The following SNAP29 variants were observed in gnomAD, a reference collection of about 807,000 sequenced individuals.
SNAP29 encodes the protein synaptosome associated protein 29.
A neutral mutation model predicts 27.9 loss-of-function variants in SNAP29; 13 were observed. The ratio of observed to expected loss-of-function variants is 0.47; its 90% CI spans 0.30 to 0.74. The LOEUF (loss-of-function observed/expected upper bound fraction) is 0.74. Ranked by LOEUF, SNAP29 falls within the 30% of genes least tolerant of loss-of-function variation. The pLI is 0.06. For missense variants in SNAP29, 368 were observed against 336.5 expected (o/e 1.09, Z -0.73); for synonymous variants, 119 against 127.1 (o/e 0.94, Z 0.43).
At chr22:20,865,425 T>C (rs761392477) in intron 1 of SNAP29, among the ~76,000 whole-genome samples, 36 of 152,092 alleles carry the variant, frequency 2.4e-4, no homozygotes, top group Non-Finnish European at 4.9e-4. Context: ...CAGGATGCCT[T>C]CTGAGGATGG....
At position 20,869,336 on chromosome 22, in the gene SNAP29, G is replaced by T. The variant is rs187661816; in HGVS notation, c.238-1001G>T. On this transcript the variant is annotated intron_variant, in intron 1 of 4. Transcript: ENST00000215730. ...TCCTTTAGGGAAGATGTCTGGGAAG[G>T]CCTCTCTGAGAGAGTGGCCTTTGAA... Among the ~76,000 whole-genome samples the T allele has an allele frequency of 7.9e-5, 12 of 152,288 alleles. No homozygotes were observed. The East Asian group carries it at 1.9e-3, about 24-fold the overall frequency.
intron 2 of SNAP29, among the ~76,000 whole-genome samples, chr22:20,879,603 T>C (rs1270045854): frequency 6.6e-6 from 1 of 151,820 alleles, no homozygotes; most frequent in Non-Finnish European, 1.5e-5. Flanking sequence ...CCCAGAACTT[T>C]GGGAGGCTAA....
chr22:20,861,272 A>G (rs1928312624), intron 1 of SNAP29, among the ~76,000 whole-genome samples: 1 of 151,574 alleles, frequency 6.6e-6, no homozygotes, highest in African/African-American at 2.4e-5. Context: ...GTGCACTACC[A>G]CACCCAGCTA....
chr22:20,861,170 T>C (rs1303420955), intron 1 of SNAP29, among the ~76,000 whole-genome samples: 4 of 135,526 alleles, frequency 3.0e-5, no homozygotes, highest in African/African-American at 1.2e-4. Context: ...CAGACTGGAG[T>C]GCAGTGGCAC....
chr22:20,886,615 T>G (rs1436894834), intron 4 of SNAP29, among the ~76,000 whole-genome samples: 1 of 143,400 alleles, frequency 7.0e-6, no homozygotes, highest in Non-Finnish European at 1.5e-5. Flanking sequence ...AGCCTATCTT[T>G]TTATTTCATT....
In SNAP29 at chr22:20,887,860, T is replaced by G; in HGVS notation, c.*24T>G. 1 of 1,610,176 alleles carries G rather than the reference T, an allele frequency of 6.2e-7. No homozygotes were observed. Among genetic ancestry groups the G allele is most frequent in the Non-Finnish European group, 8.5e-7 (1 of 1,176,624 alleles). Reference sequence around the variant, plus strand: ...GAAGACAGACGGATTTCCACTCTATTGTGATGAAAAGATTTGAAAGATCTT... The same window carrying G: ...GAAGACAGACGGATTTCCACTCTATGGTGATGAAAAGATTTGAAAGATCTT... On this transcript the variant is annotated 3_prime_UTR_variant, in exon 5 of 5. Coordinates refer to ENST00000215730, the MANE Select transcript of SNAP29 (RefSeq NM_004782.4).
chr22:20,873,466 A>C (rs1928645384), intron 2 of SNAP29, among the ~76,000 whole-genome samples: 1 of 152,056 alleles, frequency 6.6e-6, no homozygotes, highest in African/African-American at 2.4e-5. Context: ...ACTACTTCAA[A>C]CTCAGAGTGG....
chr22:20,882,830 A>G (rs1928919334), intron 3 of SNAP29, among the ~76,000 whole-genome samples: 1 of 152,188 alleles, frequency 6.6e-6, no homozygotes, highest in Non-Finnish European at 1.5e-5. Context: ...AAATGTGCTA[A>G]GTCTAGAAAG....
intron 2 of SNAP29, among the ~76,000 whole-genome samples, chr22:20,872,424 G>A (rs1415806647): frequency 2.7e-5 from 4 of 150,746 alleles, no homozygotes; most frequent in Admixed American, 6.6e-5. Context: ...TTTTTGAGAC[G>A]GAGTCTCACT....
rs1928123762 is a variant in SNAP29 at position 20,859,167 on chromosome 22, C to T, written c.57C>T (p.Gly19=). Residue 19 remains glycine, a synonymous_variant, in exon 1 of 5, where the codon GGC becomes GGT. Coordinates refer to ENST00000215730, the MANE Select transcript of SNAP29 (RefSeq NM_004782.4). The part of the protein sequence containing the change: ...NPFDDDGEDE[G]ARPAPWRDAR... The stretch of plus-strand genomic sequence containing the variant: ...TCGACGACGACGGGGAGGACGAAGG[C>T]GCCCGGCCGGCCCCTTGGAGGGACG... 1 of 1,605,676 alleles carries T rather than the reference C, an allele frequency of 6.2e-7. No homozygotes were observed. Among genetic ancestry groups the T allele is most frequent in the Non-Finnish European group, 8.5e-7 (1 of 1,177,394 alleles).
At chr22:20,866,150 C>T (rs1928454555) in intron 1 of SNAP29, among the ~76,000 whole-genome samples, 1 of 152,254 alleles carries the variant, frequency 6.6e-6, no homozygotes, top group South Asian at 2.1e-4. Flanking sequence ...AGCTGCTGAG[C>T]TAGCCTTTTG....
intron 1 of SNAP29, among the ~76,000 whole-genome samples, chr22:20,868,421 T>C (rs990344397): frequency 2.0e-5 from 3 of 152,238 alleles, no homozygotes; most frequent in Non-Finnish European, 4.4e-5. Flanking sequence ...AACCAACCAG[T>C]GTTTTAGCTT....
chr22:20,862,434 A>C (rs1928347468), intron 1 of SNAP29, among the ~76,000 whole-genome samples: 1 of 152,188 alleles, frequency 6.6e-6, no homozygotes, highest in Non-Finnish European at 1.5e-5. Context: ...TGGCCCAGCA[A>C]CAGAGCTCCT....
At chr22:20,869,204 G>A (rs930040486) in intron 1 of SNAP29, among the ~76,000 whole-genome samples, 3 of 152,198 alleles carry the variant, frequency 2.0e-5, no homozygotes, top group Admixed American at 1.3e-4. Flanking sequence ...AAGTTGCAGT[G>A]AGCTAATATC....
chr22:20,865,186 C>T (rs1482705334), intron 1 of SNAP29, among the ~76,000 whole-genome samples: 1 of 151,946 alleles, frequency 6.6e-6, no homozygotes, highest in Non-Finnish European at 1.5e-5. Flanking sequence ...AAAACCCTGG[C>T]TCTACAAAAA....
chr22:20,884,200 G>T (rs571209479), intron 4 of SNAP29, among the ~76,000 whole-genome samples: 288 of 152,196 alleles, frequency 1.9e-3, no homozygotes, highest in African/African-American at 6.7e-3. Flanking sequence ...GGGCGTGGTG[G>T]CAGGCGCCTG....
Position 20,859,315 on chromosome 22 carries a change from G to T in SNAP29, c.205G>T (p.Glu69Ter). 1.2e-6 allele frequency: 2 copies of T among 1,613,380 alleles called. No individual in the cohort carries two copies. The highest frequency in any genetic ancestry group is 1.7e-6 in the Non-Finnish European group (2 of 1,179,922). ...CAGCAGGTCCCTGGCCCTCATGTAC[G>T]AGTCCGAGAAGGTTGGGGTCGCCTC... ...STSRSLALMY[E>*]SEKVGVASSE... Residue 69 changes from glutamate (E) to a stop codon, truncating the protein, a stop_gained, in exon 1 of 5, where the codon GAG becomes TAG. Coordinates refer to ENST00000215730, the MANE Select transcript of SNAP29 (RefSeq NM_004782.4). LOFTEE classifies it high-confidence loss of function.
At chr22:20,867,292 TTCTCCCAC>T (rs1433453681) in intron 1 of SNAP29, among the ~76,000 whole-genome samples, 211 of 152,136 alleles carry the variant, frequency 1.4e-3, no homozygotes, top group Non-Finnish European at 2.3e-3. Flanking sequence ...AGGGACCTCA[TTCTCCCAC>T]GGGAAGTTGG....
chr22:20,887,599 A>G, intron 4 of SNAP29, 80 bp from the exon 5 acceptor site: 1 of 1,495,188 alleles, frequency 6.7e-7, no homozygotes, highest in South Asian at 1.1e-5. Context: ...TGTCTCTCCC[A>G]CTTACCCACA....
Sources: allele counts gnomAD v4.1 joint callset (sites outside exome capture counted in the v4.1 genomes callset), GRCh38; gene constraint gnomAD v4.1.1; transcripts MANE v1.5; gene names NCBI Gene and HGNC (gene_info 2026-07-23, HGNC 2026-07-21).